Variants in ADAMTSL1 observed in about 807,000 individuals in gnomAD.
ADAMTSL1 encodes ADAMTS-like protein 1.
In ADAMTSL1, 126 loss-of-function variants were observed where a neutral mutation model predicts 201.8. That is an observed-to-expected ratio of 0.62 (90% CI 0.54 to 0.72). ADAMTSL1 has a LOEUF of 0.72. ADAMTSL1 is among the 30% of genes least tolerant of loss of function. The pLI, the probability that ADAMTSL1 is intolerant of heterozygous loss-of-function variation, is 0.00. For synonymous variants in ADAMTSL1, 1,121 were observed against 903.4 expected, an observed-to-expected ratio of 1.24 and a Z score of -4.32; for missense variants, 2,679 against 2,277.8, an observed-to-expected ratio of 1.18 and a Z score of -3.59.
At chr9:18,452,193 A>G (rs1820433723) in intron 2 of ADAMTSL1, among the ~76,000 whole-genome samples, 2 of 152,276 alleles carry the variant, frequency 1.3e-5, no homozygotes, top group African/African-American at 2.4e-5. Context: ...GATTACAGGC[A>G]TGAGCCACCG....
intron 3 of ADAMTSL1, among the ~76,000 whole-genome samples, chr9:18,550,784 A>G (rs979083792): frequency 6.6e-6 from 1 of 151,926 alleles, no homozygotes; most frequent in Non-Finnish European, 1.5e-5. Context: ...ATAGAAAACT[A>G]ATATTATTAA....
chr9:18,090,377 A>G (rs1368410447), intron 1 of ADAMTSL1, among the ~76,000 whole-genome samples: 2 of 152,228 alleles, frequency 1.3e-5, no homozygotes, highest in South Asian at 2.1e-4. Flanking sequence ...ATGAATAAAC[A>G]AAATAGGGTA....
At chr9:18,041,630 C>G (rs566774619) in intron 1 of ADAMTSL1, among the ~76,000 whole-genome samples, 2 of 152,074 alleles carry the variant, frequency 1.3e-5, no homozygotes, top group Admixed American at 1.3e-4. Flanking sequence ...CTCTATGGAG[C>G]AAAAGGTTAC....
intron 19 of ADAMTSL1, chr9:18,793,309 G>T (rs1822170707): frequency 6.6e-6 from 1 of 152,240 alleles, no homozygotes; most frequent in Non-Finnish European, 1.5e-5. Context: ...GAGCTGAGGA[G>T]ATCTCATTCA....
At chr9:17,995,744 T>C (rs1819348654) in intron 1 of ADAMTSL1, among the ~76,000 whole-genome samples, 1 of 151,830 alleles carries the variant, frequency 6.6e-6, no homozygotes, top group African/African-American at 2.4e-5. Context: ...TTATAATTAG[T>C]ATTTATATTA....
intron 4 of ADAMTSL1, among the ~76,000 whole-genome samples, chr9:18,575,347 G>A (rs2132371207): frequency 6.6e-6 from 1 of 152,232 alleles, no homozygotes; most frequent in South Asian, 2.1e-4. Context: ...TCATATAGGA[G>A]TTTGTCACTG....
At chr9:18,364,454 A>G (rs766084869) in intron 2 of ADAMTSL1, among the ~76,000 whole-genome samples, 30 of 152,186 alleles carry the variant, frequency 2.0e-4, no homozygotes, top group Non-Finnish European at 3.7e-4. Flanking sequence ...CTCAGACAAT[A>G]TAGTTTAATC....
intron 1 of ADAMTSL1, among the ~76,000 whole-genome samples, chr9:17,938,682 T>C (rs1827109851): frequency 6.6e-6 from 1 of 152,164 alleles, no homozygotes; most frequent in South Asian, 2.1e-4. Flanking sequence ...AGGAGAGATT[T>C]CCCAGTCATC....
intron 23 of ADAMTSL1, among the ~76,000 whole-genome samples, chr9:18,855,907 C>G (rs1272058366): frequency 6.6e-6 from 1 of 152,214 alleles, no homozygotes; most frequent in Non-Finnish European, 1.5e-5. Flanking sequence ...GTCCTGCCAG[C>G]TTCCTGAGCC....
chr9:18,595,852 A>C (rs1824229356), intron 4 of ADAMTSL1, among the ~76,000 whole-genome samples: 1 of 152,156 alleles, frequency 6.6e-6, no homozygotes, highest in Non-Finnish European at 1.5e-5. Context: ...ACCCAGAAGC[A>C]AGTTTGGCAG....
At chr9:18,489,158 A>G (rs1822144194) in intron 1 of ADAMTSL1, among the ~76,000 whole-genome samples, 1 of 152,164 alleles carries the variant, frequency 6.6e-6, no homozygotes. Flanking sequence ...CAGAGTTGAC[A>G]ATCACTGATC....
chr9:18,270,928 C>G (rs1832335678), intron 2 of ADAMTSL1, among the ~76,000 whole-genome samples: 1 of 152,158 alleles, frequency 6.6e-6, no homozygotes, highest in Admixed American at 6.5e-5. Context: ...AAAGAAGACT[C>G]TAGGACCCTA....
chr9:18,773,438 G>A (rs1055499353), intron 17 of ADAMTSL1, among the ~76,000 whole-genome samples: 1 of 152,112 alleles, frequency 6.6e-6, no homozygotes, highest in Non-Finnish European at 1.5e-5. Flanking sequence ...AGAGCTAGAA[G>A]GAGCTTGAAA....
At chr9:18,306,941 A>T (rs1431543251) in intron 2 of ADAMTSL1, among the ~76,000 whole-genome samples, 1 of 152,206 alleles carries the variant, frequency 6.6e-6, no homozygotes, top group East Asian at 1.9e-4. Flanking sequence ...GGGCAGGAAG[A>T]GAGAAAGGTT....
intron 2 of ADAMTSL1, among the ~76,000 whole-genome samples, chr9:18,214,745 A>G (rs1039240797): frequency 1.3e-5 from 2 of 152,170 alleles, no homozygotes; most frequent in African/African-American, 4.8e-5. Flanking sequence ...ACTTCATTTG[A>G]TAAGTGATTT....
intron 23 of ADAMTSL1, among the ~76,000 whole-genome samples, chr9:18,835,847 T>C (rs1825278560): frequency 6.6e-6 from 1 of 152,188 alleles, no homozygotes; most frequent in Non-Finnish European, 1.5e-5. Context: ...TCATTCTCTT[T>C]ATGGCTGCAT....
intron 23 of ADAMTSL1, among the ~76,000 whole-genome samples, chr9:18,876,845 T>G (rs1828194271): frequency 6.6e-6 from 1 of 152,260 alleles, no homozygotes; most frequent in Non-Finnish European, 1.5e-5. Flanking sequence ...CAAATATGTT[T>G]ACCAAACATT....
chr9:17,961,854 A>T (rs1755285), intron 1 of ADAMTSL1, among the ~76,000 whole-genome samples: 1 of 151,906 alleles, frequency 6.6e-6, no homozygotes, highest in African/African-American at 2.4e-5. Flanking sequence ...CAGCTCTAGC[A>T]CCTCCTGAGA....
At chr9:18,604,634 A>G (rs944535994) in intron 4 of ADAMTSL1, among the ~76,000 whole-genome samples, 3 of 152,216 alleles carry the variant, frequency 2.0e-5, no homozygotes, top group South Asian at 4.1e-4. Flanking sequence ...TTGTATGAAT[A>G]TATAACATTT....
Sources: gnomAD v4.1 joint callset for allele counts (sites outside exome capture counted in the v4.1 genomes callset) on GRCh38, gnomAD v4.1.1 for gene constraint, MANE v1.5 for transcripts, NCBI Gene and HGNC (gene_info 2026-07-23, HGNC 2026-07-21) for gene names.